Variants in MYBPC1 observed in about 807,000 individuals in gnomAD.
MYBPC1 encodes the protein myosin binding protein C1, also known as myosin-binding protein C, slow-type.
MYBPC1 carries 52 observed loss-of-function variants against 147.1 expected under a neutral mutation model. That is an observed-to-expected ratio of 0.35 (90% confidence interval 0.28 to 0.45). MYBPC1 has a LOEUF of 0.45. Among genes scored for constraint, MYBPC1 ranks in the 20% least tolerant of loss-of-function variants. The pLI is 1.00. For missense variants in MYBPC1, 1,228 were observed against 1,440.3 expected (o/e 0.85, Z 2.39); for synonymous variants, 477 against 475.9 (o/e 1.00, Z -0.03).
intron 1 of MYBPC1, among the ~76,000 whole-genome samples, chr12:101,609,965 G>A (rs1231427278): frequency 6.6e-6 from 1 of 152,192 alleles, no homozygotes; most frequent in African/African-American, 2.4e-5. Context: ...TTAGGAACAT[G>A]TAAATTATTT....
chr12:101,621,680 C>T (rs369631749), intron 3 of MYBPC1, among the ~76,000 whole-genome samples: 1 of 152,112 alleles, frequency 6.6e-6, no homozygotes, highest in African/African-American at 2.4e-5. Flanking sequence ...CAACAATTGT[C>T]TCAAGTTTAT....
At chr12:101,672,187 G>A (rs975311800) in intron 24 of MYBPC1, among the ~76,000 whole-genome samples, 1 of 152,118 alleles carries the variant, frequency 6.6e-6, no homozygotes, top group Non-Finnish European at 1.5e-5. Context: ...CTTCAACAAC[G>A]TCGTTCTCTG....
intron 14 of MYBPC1, among the ~76,000 whole-genome samples, chr12:101,649,043 G>A (rs779288695): frequency 1.1e-4 from 17 of 152,264 alleles, no homozygotes; most frequent in Admixed American, 9.8e-4. Context: ...CAGGTGGCTC[G>A]TGTTCTTTTA....
downstream of MYBPC1, among the ~76,000 whole-genome samples, chr12:101,687,304 A>G (rs926340482): frequency 2.6e-5 from 4 of 151,846 alleles, no homozygotes; most frequent in African/African-American, 9.7e-5. Context: ...GCTCCCACCT[A>G]TGAGTGAGAA....
chr12:101,655,100 G>C (rs979101127), intron 18 of MYBPC1, among the ~76,000 whole-genome samples: 2 of 146,858 alleles, frequency 1.4e-5, no homozygotes, highest in African/African-American at 4.9e-5. Flanking sequence ...AGCCAATTCA[G>C]ATCTCACATG....
chr12:101,611,158 A>G (rs1039464480), intron 1 of MYBPC1, among the ~76,000 whole-genome samples: 5 of 152,158 alleles, frequency 3.3e-5, no homozygotes, highest in African/African-American at 9.7e-5. Flanking sequence ...ACATTTTCCT[A>G]TTTCTACTCC....
chr12:101,681,815 G>A (rs188335842), intron 29 of MYBPC1, among the ~76,000 whole-genome samples: 71 of 150,848 alleles, frequency 4.7e-4, no homozygotes, highest in Non-Finnish European at 4.0e-4. Flanking sequence ...TGCCGTGTTG[G>A]CCAGGCTGGT....
downstream of MYBPC1, among the ~76,000 whole-genome samples, chr12:101,689,584 C>T (rs1445764476): frequency 4.1e-5 from 6 of 146,918 alleles, no homozygotes; most frequent in East Asian, 5.9e-4. Flanking sequence ...AGAAGAGAGA[C>T]GGAAGGAAGG....
At chr12:101,631,112 T>C (rs1889790676) in intron 6 of MYBPC1, among the ~76,000 whole-genome samples, 1 of 152,172 alleles carries the variant, frequency 6.6e-6, no homozygotes, top group Non-Finnish European at 1.5e-5. Context: ...TTAGTCACAT[T>C]CCTATAATTC....
chr12:101,691,830 G>A, the MYBPC1 span, among the ~76,000 whole-genome samples: 1 of 152,154 alleles, frequency 6.6e-6, no homozygotes, highest in Non-Finnish European at 1.5e-5. Flanking sequence ...GCATTGAGGA[G>A]CACACTCAGT....
intron 2 of MYBPC1, among the ~76,000 whole-genome samples, chr12:101,616,124 T>C (rs923295594): frequency 6.6e-6 from 1 of 152,180 alleles, no homozygotes; most frequent in African/African-American, 2.4e-5. Context: ...AGTATTACTA[T>C]GTGTCGAAAT....
intron 14 of MYBPC1, among the ~76,000 whole-genome samples, chr12:101,648,623 A>G (rs1193968048): frequency 6.6e-6 from 1 of 152,164 alleles, no homozygotes; most frequent in African/African-American, 2.4e-5. Context: ...TCTATTTGCA[A>G]TGATTTTTAA....
In MYBPC1 at chr12:101,642,411, C is replaced by T; in HGVS notation, c.666-8C>T. On this transcript the variant is annotated splice_polypyrimidine_tract_variant and splice_region_variant and intron_variant, in intron 10 of 31. Transcript: ENST00000361466. ...CTACTAAACTAGACCATGGTTCTCCCCGGTTAGGGAGGTGAAGCAGCAGGA... is the reference window on the plus strand; with the variant it reads ...CTACTAAACTAGACCATGGTTCTCCTCGGTTAGGGAGGTGAAGCAGCAGGA... 1 of 1,613,998 alleles carries T rather than the reference C, an allele frequency of 6.2e-7. No individual in the cohort carries two copies.
chr12:101,676,839 A>G (rs1316451646), intron 26 of MYBPC1, among the ~76,000 whole-genome samples: 1 of 150,760 alleles, frequency 6.6e-6, no homozygotes, highest in Non-Finnish European at 1.5e-5. Context: ...CTTTCTCATA[A>G]TAAGTTGGCA....
chr12:101,648,530 G>GT (rs1251617319), intron 14 of MYBPC1, among the ~76,000 whole-genome samples: 1 of 152,208 alleles, frequency 6.6e-6, no homozygotes, highest in African/African-American at 2.4e-5. Context: ...AGTAAGTTTA[G>GT]TAAGACTTCT....
downstream of MYBPC1, among the ~76,000 whole-genome samples, chr12:101,687,279 T>C (rs549721349): frequency 1.3e-5 from 2 of 152,166 alleles, no homozygotes; most frequent in South Asian, 4.1e-4. Context: ...TGTGTCCAAG[T>C]GTTCTCATTG....
chr12:101,619,672 A>G (rs968457822), intron 3 of MYBPC1, among the ~76,000 whole-genome samples: 3 of 152,202 alleles, frequency 2.0e-5, no homozygotes, highest in Non-Finnish European at 4.4e-5. Flanking sequence ...GAACAGAAGG[A>G]TGATTTCCAC....
At chr12:101,688,969 GA>G (rs751592900), downstream of MYBPC1, among the ~76,000 whole-genome samples, 2 of 54,758 alleles carry the variant, frequency 3.7e-5, no homozygotes, top group South Asian at 4.6e-4. Flanking sequence ...AAAAAAAAAA[GA>G]AAAAGAAAAA....
At chr12:101,631,239 TA>T (rs555031845) in intron 6 of MYBPC1, among the ~76,000 whole-genome samples, 227 of 152,266 alleles carry the variant, frequency 1.5e-3, no homozygotes, top group Non-Finnish European at 2.9e-3. Context: ...ATATATGCAA[TA>T]AAAGTTCACA....
Sources: gnomAD v4.1 joint callset for allele counts (sites outside exome capture counted in the v4.1 genomes callset) on GRCh38, gnomAD v4.1.1 for gene constraint, MANE v1.5 for transcripts, NCBI Gene and HGNC (gene_info 2026-07-23, HGNC 2026-07-21) for gene names.